The following PLCL1 variants were observed in gnomAD, a reference collection of about 807,000 sequenced individuals.
The protein encoded by PLCL1 is phospholipase C like 1 (inactive).
In PLCL1, 41 loss-of-function variants were observed where a neutral mutation model predicts 84.4. That is an observed-to-expected ratio of 0.49 (90% CI 0.38 to 0.63). The LOEUF is 0.63. Ranked by LOEUF, PLCL1 falls within the 30% of genes least tolerant of loss-of-function variation. The pLI, the probability that PLCL1 is intolerant of heterozygous loss-of-function variation, is 0.00. For synonymous variants in PLCL1, 490 were observed against 488.3 expected (o/e 1.00, Z -0.05); for missense variants, 1,206 against 1,367.8 (o/e 0.88, Z 1.87).
At chr2:197,918,263 A>G (rs1381242963) in intron 1 of PLCL1, among the ~76,000 whole-genome samples, 1 of 152,182 alleles carries the variant, frequency 6.6e-6, no homozygotes, top group Non-Finnish European at 1.5e-5. Flanking sequence ...AGTACTCAAA[A>G]CTAATAAGGT....
chr2:197,819,603 T>G (rs1029604850), intron 1 of PLCL1, among the ~76,000 whole-genome samples: 1 of 152,086 alleles, frequency 6.6e-6, no homozygotes, highest in Non-Finnish European at 1.5e-5. Flanking sequence ...ATTCTACCCT[T>G]TCATTTTACT....
intron 1 of PLCL1, among the ~76,000 whole-genome samples, chr2:197,997,455 G>T (rs1411575317): frequency 6.6e-6 from 1 of 152,216 alleles, no homozygotes; most frequent in Non-Finnish European, 1.5e-5. Context: ...ATCATAACCT[G>T]CAGCCACACC....
chr2:198,129,802 G>A (rs754872345), intron 5 of PLCL1, among the ~76,000 whole-genome samples: 25 of 151,776 alleles, frequency 1.6e-4, no homozygotes, highest in Non-Finnish European at 2.8e-4. Context: ...TATACTTGCC[G>A]AATCCACTTC....
chr2:198,083,412 A>T (rs924721710), intron 1 of PLCL1, among the ~76,000 whole-genome samples: 2 of 152,186 alleles, frequency 1.3e-5, no homozygotes, highest in African/African-American at 4.8e-5. Flanking sequence ...ATACAGCTTT[A>T]TTTCTTTTAC....
rs191861616 is a variant in PLCL1 at position 198,117,743 on chromosome 2, A to G, written c.3105+13807A>G. On this transcript the variant is annotated intron_variant, in intron 5 of 5. Coordinates refer to ENST00000428675, the MANE Select transcript of PLCL1 (RefSeq NM_006226.4). ...GTCTTGTATAGGAAAAGTATGTTTT[A>G]GAGGTAACTATGTCCTAGTATTAAA... is the stretch of plus-strand genomic sequence containing the variant. Among the ~76,000 whole-genome samples, 4 of 152,068 alleles carry G rather than the reference A, an allele frequency of 2.6e-5. No homozygotes were observed. In the East Asian group the frequency reaches 7.8e-4, roughly 30 times the overall value.
intron 1 of PLCL1, among the ~76,000 whole-genome samples, chr2:197,819,002 T>A (rs1000175855): frequency 6.6e-6 from 1 of 151,978 alleles, no homozygotes; most frequent in African/African-American, 2.4e-5. Context: ...GGATAATAAA[T>A]GTGTGGGGAA....
chr2:197,995,293 T>C (rs1574232668), intron 1 of PLCL1, among the ~76,000 whole-genome samples: 1 of 152,272 alleles, frequency 6.6e-6, no homozygotes, highest in East Asian at 1.9e-4. Flanking sequence ...TCCCTCCTTT[T>C]CTCTTCTTCC....
At chr2:198,076,622 G>T (rs1162109831) in intron 1 of PLCL1, among the ~76,000 whole-genome samples, 2 of 152,142 alleles carry the variant, frequency 1.3e-5, no homozygotes, top group East Asian at 3.8e-4. Flanking sequence ...CTTCTCAATA[G>T]TGGCCATTAG....
At chr2:197,929,160 G>C (rs1466506726) in intron 1 of PLCL1, among the ~76,000 whole-genome samples, 2 of 152,086 alleles carry the variant, frequency 1.3e-5, no homozygotes, top group Non-Finnish European at 2.9e-5. Context: ...ATGCCATAGT[G>C]ACATTTGTTA....
chr2:197,918,971 T>TCTCTCTCACACA (rs373512508), intron 1 of PLCL1, among the ~76,000 whole-genome samples: 31 of 144,652 alleles, frequency 2.1e-4, no homozygotes, highest in South Asian at 8.9e-4. Flanking sequence ...TCTCTCTCCC[T>TCTCTCTCACACA]CACACACACA....
chr2:198,020,958 C>T (rs556447427), intron 1 of PLCL1, among the ~76,000 whole-genome samples: 2 of 152,146 alleles, frequency 1.3e-5, no homozygotes, highest in Non-Finnish European at 2.9e-5. Context: ...CTTCTCAGCA[C>T]CACATAGCAC....
intron 1 of PLCL1, among the ~76,000 whole-genome samples, chr2:198,015,063 G>A (rs1197325515): frequency 1.3e-5 from 2 of 151,850 alleles, no homozygotes; most frequent in East Asian, 3.9e-4. Flanking sequence ...TACATGTTCG[G>A]CGTTTCAGTG....
intron 5 of PLCL1, among the ~76,000 whole-genome samples, chr2:198,132,795 G>T (rs1024998413): frequency 2.0e-5 from 3 of 151,828 alleles, no homozygotes; most frequent in Non-Finnish European, 2.9e-5. Flanking sequence ...TCACTCTGAT[G>T]GTAGTTTCTT....
chr2:197,926,143 A>C (rs1039963820), intron 1 of PLCL1, among the ~76,000 whole-genome samples: 4 of 152,170 alleles, frequency 2.6e-5, no homozygotes, highest in African/African-American at 9.6e-5. Flanking sequence ...TCAGTGGCTC[A>C]CTGTGATTTT....
chr2:198,123,350 G>A (rs1049799155), intron 5 of PLCL1, among the ~76,000 whole-genome samples: 1 of 152,024 alleles, frequency 6.6e-6, no homozygotes, highest in African/African-American at 2.4e-5. Context: ...AAATTTCTAT[G>A]TTGAAATCCT....
chr2:198,114,826 T>TATATAC (rs1302414952), intron 5 of PLCL1, among the ~76,000 whole-genome samples: 70 of 151,790 alleles, frequency 4.6e-4, no homozygotes, highest in Non-Finnish European at 6.8e-4. Flanking sequence ...TATATATCTA[T>TATATAC]ATATACATAT....
intron 1 of PLCL1, among the ~76,000 whole-genome samples, chr2:198,075,131 A>G (rs755807650): frequency 6.6e-6 from 1 of 152,212 alleles, no homozygotes; most frequent in Non-Finnish European, 1.5e-5. Flanking sequence ...CAGAAACAAC[A>G]GTCAGTGCTG....
At chr2:197,890,889 A>G (rs1351856562) in intron 1 of PLCL1, among the ~76,000 whole-genome samples, 2 of 59,958 alleles carry the variant, frequency 3.3e-5, no homozygotes, top group African/African-American at 1.0e-4. Context: ...ATATATATGC[A>G]CGCATATATA....
chr2:197,837,971 A>C (rs1691223913), intron 1 of PLCL1, among the ~76,000 whole-genome samples: 1 of 152,202 alleles, frequency 6.6e-6, no homozygotes, highest in Non-Finnish European at 1.5e-5. Context: ...CAAAGAACAA[A>C]TAGTCATTCC....
Sources: allele counts gnomAD v4.1 joint callset (sites outside exome capture counted in the v4.1 genomes callset), GRCh38; gene constraint gnomAD v4.1.1; transcripts MANE v1.5; gene names NCBI Gene and HGNC (gene_info 2026-07-23, HGNC 2026-07-21).